USP15: variants seen among roughly 807,000 people sequenced by gnomAD.
The protein encoded by USP15 is ubiquitin specific peptidase 15, also known as ubiquitin carboxyl-terminal hydrolase 15.
A neutral mutation model predicts 127.1 loss-of-function variants in USP15; 18 were observed. The observed-to-expected ratio is 0.14, with a 90% CI of 0.10 to 0.21. The LOEUF (loss-of-function observed/expected upper bound fraction) is 0.21. USP15 is among the 10% of genes least tolerant of loss of function. The pLI is 1.00. For missense variants in USP15, 805 were observed against 1,159.9 expected (o/e 0.69, Z 4.44); for synonymous variants, 364 against 393.7 (o/e 0.92, Z 0.89).
At chr12:62,351,556 T>A (rs1384511861) in intron 7 of USP15, among the ~76,000 whole-genome samples, 2 of 152,000 alleles carry the variant, frequency 1.3e-5, no homozygotes, top group African/African-American at 2.4e-5. Flanking sequence ...ATGAGTGGTC[T>A]GGTGTGTTTC....
intron 1 of USP15, among the ~76,000 whole-genome samples, chr12:62,267,456 C>G (rs2063222687): frequency 6.6e-6 from 1 of 152,034 alleles, no homozygotes; most frequent in Non-Finnish European, 1.5e-5. Flanking sequence ...TAGGATTAAC[C>G]TGCATTTGAT....
At chr12:62,355,224 G>C (rs567066497) in intron 7 of USP15, 107 bp from the exon 8 acceptor site, 4 of 1,031,934 alleles carry the variant, frequency 3.9e-6, no homozygotes, top group Non-Finnish European at 4.0e-6. Flanking sequence ...CTTTATAAAA[G>C]AAATGTAATG....
chr12:62,391,805 T>C lies in USP15; in HGVS notation c.2234-11T>C. ...TTAAATTTTAAAGAAAAAATATGTT[T>C]TCCACCTTAGAAAGATCTTTTCTTG... is the stretch of plus-strand genomic sequence containing the variant. On this transcript the variant is annotated splice_polypyrimidine_tract_variant and intron_variant, in intron 16 of 21. Transcript: ENST00000280377. 6.3e-7 allele frequency: 1 copy of C among 1,589,426 alleles called. No individual in the cohort carries two copies. The highest frequency in any genetic ancestry group is 8.6e-7 in the Non-Finnish European group (1 of 1,167,514).
rs984870018 is a variant in USP15 at position 62,408,187 on chromosome 12, C to G, written c.*3812C>G. 1 of 151,982 alleles carries G rather than the reference C, an allele frequency of 6.6e-6. No individual in the cohort carries two copies. Among genetic ancestry groups the G allele is most frequent in the Non-Finnish European group, 1.5e-5 (1 of 68,000 alleles). The allele number at this position is 151,982 out of a possible 1,614,324, so 9.4% of individuals were successfully genotyped here. A position where few individuals can be genotyped will look rare whatever the true frequency, so the allele number is the denominator to read the frequency against. On this transcript the variant is annotated 3_prime_UTR_variant, in exon 22 of 22. Coordinates refer to ENST00000280377, the MANE Select transcript of USP15 (RefSeq NM_001252078.2). ...GGGAGTGTAGGGTGTAGTAGGAGCT[C>G]TCTGCCTCCGAGAGGAGGAATATAT...
At chr12:62,293,937 G>A (rs558848373) in intron 1 of USP15, among the ~76,000 whole-genome samples, 12 of 151,840 alleles carry the variant, frequency 7.9e-5, no homozygotes, top group Non-Finnish European at 1.3e-4. Flanking sequence ...TCTTGAATAC[G>A]TATATTTGTA....
At chr12:62,336,542 G>A in intron 6 of USP15, 1 of 927,536 alleles carries the variant, frequency 1.1e-6, no homozygotes, top group Non-Finnish European at 1.3e-6. Flanking sequence ...CTGTTATATG[G>A]GTTATAGCTG....
rs112183854 is a variant in USP15, at chr12:62,346,176, G to A, written c.684-3045G>A. 3.1e-3 allele frequency among the ~76,000 whole-genome samples: 473 copies of A among 152,302 alleles called. 1 individual carries two copies. Among genetic ancestry groups the A allele is most frequent in the African/African-American group, 9.9e-3 (411 of 41,560 alleles). On this transcript the variant is annotated intron_variant, in intron 6 of 21. Coordinates refer to ENST00000280377, the MANE Select transcript of USP15 (RefSeq NM_001252078.2). Reference sequence around the variant, plus strand: ...GACAGCCATGATACTTCAGTTTGTAGCAGATATGCTTTATGCAAACTTCCC... The same window carrying A: ...GACAGCCATGATACTTCAGTTTGTAACAGATATGCTTTATGCAAACTTCCC...
chr12:62,360,901 A>T (rs1472886394), intron 8 of USP15, among the ~76,000 whole-genome samples: 1 of 151,996 alleles, frequency 6.6e-6, no homozygotes, highest in Non-Finnish European at 1.5e-5. Flanking sequence ...GTCATCAAAA[A>T]TATATTCAAT....
intron 1 of USP15, among the ~76,000 whole-genome samples, chr12:62,283,982 C>T (rs923366093): frequency 1.2e-4 from 18 of 152,182 alleles, no homozygotes; most frequent in Middle Eastern, 6.8e-3. Context: ...GCATCAACTA[C>T]AAGCAGTTAT....
intron 1 of USP15, among the ~76,000 whole-genome samples, chr12:62,280,198 A>C (rs2063609118): frequency 1.3e-5 from 2 of 152,294 alleles, no homozygotes; most frequent in African/African-American, 2.4e-5. Flanking sequence ...ATTAATAATA[A>C]ATTAAGCTTA....
chr12:62,274,447 C>T (rs1484581366), intron 1 of USP15: 1 of 151,400 alleles, frequency 6.6e-6, no homozygotes, highest in Non-Finnish European at 1.5e-5. Context: ...CATTTACTAC[C>T]TCTCTGGTTT....
intron 1 of USP15, among the ~76,000 whole-genome samples, chr12:62,289,797 G>A (rs2063904920): frequency 6.6e-6 from 1 of 150,506 alleles, no homozygotes; most frequent in African/African-American, 2.4e-5. Flanking sequence ...CAGAGGTTTG[G>A]TATGTTGTAT....
In USP15 at chr12:62,407,594, T is replaced by A. The variant is rs1011643400; in HGVS notation, c.*3219T>A. 6.6e-4 allele frequency: 100 copies of A among 152,346 alleles called. No homozygotes were observed. The highest frequency in any genetic ancestry group is 2.4e-3 in the African/African-American group (98 of 41,590). 9.4% of individuals were successfully genotyped at this position (152,346 alleles called of 1,614,324 possible). Reference sequence around the variant, plus strand: ...ATTAATTTCATTTAATTTATATACCTTTATTACAATTTTAATTAAATGGTA... The same window carrying A: ...ATTAATTTCATTTAATTTATATACCATTATTACAATTTTAATTAAATGGTA... On this transcript the variant is annotated 3_prime_UTR_variant, in exon 22 of 22. Coordinates refer to ENST00000280377, the MANE Select transcript of USP15 (RefSeq NM_001252078.2).
rs115593546 is a variant in USP15 at position 62,275,334 on chromosome 12, G to A, written c.89+14831G>A. 1.1e-3 allele frequency among the ~76,000 whole-genome samples: 171 copies of A among 151,734 alleles called. No homozygotes were observed. In the Middle Eastern group the frequency reaches 0.014, roughly 12 times the overall value. On this transcript the variant is annotated intron_variant, in intron 1 of 21. Transcript: ENST00000280377. ...GTGAAAGAAGAAATCAAAGAGCAGG[G>A]CTATGTAATACATTTAAGCAAAAGA...
At chr12:62,327,742 A>G in intron 6 of USP15, 1 of 408,506 alleles carries the variant, frequency 2.4e-6, no homozygotes, top group Non-Finnish European at 4.8e-6. Context: ...TGTAATACCC[A>G]ACACACCATA....
chr12:62,263,652 G>C (rs1197945594), intron 1 of USP15, among the ~76,000 whole-genome samples: 1 of 152,162 alleles, frequency 6.6e-6, no homozygotes, highest in Non-Finnish European at 1.5e-5. Context: ...ATTAATACGA[G>C]AGTAATACCT....
rs201901238 is a variant in USP15, at chr12:62,269,258, C to CA, written c.89+8763dup. ...GGATGTATTGCCTATTGCTCCTAGGCAAAAAAAACCTGTACAACATGTTAC... is the reference window on the plus strand; with the variant it reads ...GGATGTATTGCCTATTGCTCCTAGGCAAAAAAAAACCTGTACAACATGTTAC... On this transcript the variant is annotated intron_variant, in intron 1 of 21. Transcript: ENST00000280377. 7.1e-3 allele frequency among the ~76,000 whole-genome samples: 1,066 copies of CA among 150,700 alleles called. 14 individuals carry two copies. The highest frequency in any genetic ancestry group is 0.025 in the African/African-American group (1,007 of 41,094).
Position 62,260,427 on chromosome 12 carries a change from G to A in USP15, c.13G>A (p.Gly5Arg). ...CTAGTGGAAGAAGATGGCGGAAGGC[G>A]GAGCGGCGGATCTGGACACCCAGCG... MAEG[G>R]AADLDTQRSD... The change falls in exon 1 of 22, where the codon GGA becomes AGA. Residue 5 changes from glycine to arginine, a missense_variant. Physicochemically the swap from Gly to Arg is moderately radical, Grantham distance 125. Coordinates refer to ENST00000280377, the MANE Select transcript of USP15 (RefSeq NM_001252078.2). The A allele has an allele frequency of 6.4e-7, 1 of 1,551,398 alleles. No homozygotes were observed. Among genetic ancestry groups the A allele is most frequent in the Non-Finnish European group, 8.7e-7 (1 of 1,147,572 alleles).
At chr12:62,359,801 C>T (rs2066256948) in intron 8 of USP15, among the ~76,000 whole-genome samples, 1 of 152,094 alleles carries the variant, frequency 6.6e-6, no homozygotes, top group South Asian at 2.1e-4. Flanking sequence ...TATGAATATT[C>T]TATCTGTAGG....
Sources: gnomAD v4.1 joint callset for allele counts (sites outside exome capture counted in the v4.1 genomes callset) on GRCh38, gnomAD v4.1.1 for gene constraint, MANE v1.5 for transcripts, NCBI Gene and HGNC (gene_info 2026-07-23, HGNC 2026-07-21) for gene names.